Variants in LRRC4C observed in about 807,000 individuals in gnomAD.
LRRC4C encodes leucine-rich repeat-containing protein 4C.
A neutral mutation model predicts 33.6 loss-of-function variants in LRRC4C; 5 were observed. The ratio of observed to expected loss-of-function variants is 0.15; its 90% CI spans 0.08 to 0.31. The LOEUF (loss-of-function observed/expected upper bound fraction) is 0.31, where lower values mean the gene tolerates loss of function less well. Among genes scored for constraint, LRRC4C ranks in the 10% least tolerant of loss-of-function variants. The pLI, the probability that LRRC4C is intolerant of heterozygous loss-of-function variation, is 1.00. For missense variants in LRRC4C, 560 were observed against 796.7 expected (o/e 0.70, Z 3.58); for synonymous variants, 329 against 302.0 (o/e 1.09, Z -0.93).
intron 1 of LRRC4C, among the ~76,000 whole-genome samples, chr11:41,433,680 A>G (rs1955320564): frequency 6.6e-6 from 1 of 152,060 alleles, no homozygotes; most frequent in Non-Finnish European, 1.5e-5. Flanking sequence ...GCCCTCAAAC[A>G]TCGGACTCGT....
chr11:41,142,454 T>C (rs1454377416), intron 1 of LRRC4C, among the ~76,000 whole-genome samples: 2 of 152,216 alleles, frequency 1.3e-5, no homozygotes, highest in Non-Finnish European at 2.9e-5. Flanking sequence ...ACCCAAGTGA[T>C]GCTTACCTGC....
chr11:41,207,243 T>A (rs920885538), intron 1 of LRRC4C, among the ~76,000 whole-genome samples: 2 of 152,164 alleles, frequency 1.3e-5, no homozygotes, highest in African/African-American at 4.8e-5. Context: ...TGTCCTAGCC[T>A]GGAAGACTCT....
At chr11:40,306,248 C>T (rs1020925039) in intron 4 of LRRC4C, among the ~76,000 whole-genome samples, 1 of 152,124 alleles carries the variant, frequency 6.6e-6, no homozygotes, top group Non-Finnish European at 1.5e-5. Flanking sequence ...AAAAGGTTAG[C>T]CTTTTTCTCT....
At chr11:40,583,669 C>T (rs1367663585) in intron 3 of LRRC4C, among the ~76,000 whole-genome samples, 3 of 152,110 alleles carry the variant, frequency 2.0e-5, no homozygotes, top group East Asian at 1.9e-4. Flanking sequence ...ACAGGGTATT[C>T]GGTAGTCTCT....
At chr11:40,798,706 C>A (rs1212420104) in intron 2 of LRRC4C, among the ~76,000 whole-genome samples, 1 of 149,792 alleles carries the variant, frequency 6.7e-6, no homozygotes, top group East Asian at 2.0e-4. Context: ...TACAATAGCA[C>A]GACCTCAGTT....
chr11:40,268,587 A>C (rs1361952996), intron 4 of LRRC4C, among the ~76,000 whole-genome samples: 5 of 152,164 alleles, frequency 3.3e-5, no homozygotes, highest in Admixed American at 1.3e-4. Context: ...CAATTGTTTT[A>C]GGAAAACCCC....
intron 1 of LRRC4C, among the ~76,000 whole-genome samples, chr11:41,347,938 C>A (rs1951853611): frequency 6.6e-6 from 1 of 152,186 alleles, no homozygotes; most frequent in African/African-American, 2.4e-5. Flanking sequence ...ATGAAGTGTT[C>A]TTCCCAAGGA....
chr11:41,438,877 TG>T (rs1293648538), intron 1 of LRRC4C, among the ~76,000 whole-genome samples: 1 of 152,170 alleles, frequency 6.6e-6, no homozygotes, highest in African/African-American at 2.4e-5. Context: ...AATTGGTAGG[TG>T]TTTTTAAATT....
intron 3 of LRRC4C, among the ~76,000 whole-genome samples, chr11:40,423,571 C>G (rs990443377): frequency 3.3e-5 from 5 of 151,960 alleles, no homozygotes; most frequent in Non-Finnish European, 7.4e-5. Context: ...GTCTCGATCT[C>G]CTGACCTCGT....
intron 3 of LRRC4C, among the ~76,000 whole-genome samples, chr11:40,401,789 T>A (rs1949771061): frequency 6.6e-6 from 1 of 152,146 alleles, no homozygotes; most frequent in African/African-American, 2.4e-5. Flanking sequence ...ATGCTGTGTA[T>A]AAATTCACAA....
At chr11:41,011,724 A>T (rs1322887545) in intron 1 of LRRC4C, among the ~76,000 whole-genome samples, 1 of 151,414 alleles carries the variant, frequency 6.6e-6, no homozygotes, top group Non-Finnish European at 1.5e-5. Flanking sequence ...GTTTCTATCT[A>T]GACTCCATCA....
chr11:40,675,840 A>G (rs1026420216), intron 2 of LRRC4C, among the ~76,000 whole-genome samples: 3 of 152,308 alleles, frequency 2.0e-5, no homozygotes, highest in African/African-American at 7.2e-5. Flanking sequence ...ATGTTTATTA[A>G]AGAACTCAGT....
chr11:40,289,997 G>A (rs1005935254), intron 4 of LRRC4C, among the ~76,000 whole-genome samples: 1 of 152,090 alleles, frequency 6.6e-6, no homozygotes, highest in Non-Finnish European at 1.5e-5. Flanking sequence ...TGTGCTTTCA[G>A]ACCTAATTAG....
intron 1 of LRRC4C, among the ~76,000 whole-genome samples, chr11:41,266,905 G>T (rs762705491): frequency 7.2e-5 from 11 of 152,078 alleles, no homozygotes; most frequent in Non-Finnish European, 1.5e-4. Context: ...TTGGTTCAAG[G>T]AGAATTTCAC....
intron 3 of LRRC4C, among the ~76,000 whole-genome samples, chr11:40,598,138 TAGTGAGG>T (rs1959560299): frequency 6.6e-6 from 1 of 152,234 alleles, no homozygotes. Context: ...TAGTTATTTT[TAGTGAGG>T]TTGAGTGGAT....
chr11:41,392,463 G>C (rs900170243), intron 1 of LRRC4C, among the ~76,000 whole-genome samples: 1 of 151,490 alleles, frequency 6.6e-6, no homozygotes, highest in Non-Finnish European at 1.5e-5. Context: ...AAACAGTTAC[G>C]TGTAATAAGC....
intron 5 of LRRC4C, among the ~76,000 whole-genome samples, chr11:40,184,037 T>C (rs1861216726): frequency 6.6e-6 from 1 of 152,190 alleles, no homozygotes; most frequent in South Asian, 2.1e-4. Context: ...CAGTAAAAAG[T>C]AAGGAGAAGC....
intron 3 of LRRC4C, among the ~76,000 whole-genome samples, chr11:40,635,308 A>T (rs1963853267): frequency 6.6e-6 from 1 of 152,196 alleles, no homozygotes; most frequent in Non-Finnish European, 1.5e-5. Context: ...GTCTACAGGA[A>T]GATTTTTCTA....
chr11:40,371,047 C>T (rs1320855761), intron 3 of LRRC4C, among the ~76,000 whole-genome samples: 1 of 152,048 alleles, frequency 6.6e-6, no homozygotes, highest in Non-Finnish European at 1.5e-5. Context: ...GACTTAGAGG[C>T]ACTCACTTTT....
Sources: allele counts gnomAD v4.1 joint callset (sites outside exome capture counted in the v4.1 genomes callset), GRCh38; gene constraint gnomAD v4.1.1; transcripts MANE v1.5; gene names NCBI Gene and HGNC (gene_info 2026-07-23, HGNC 2026-07-21).